GABRG3: variants seen among roughly 807,000 people sequenced by gnomAD.
GABRG3 encodes gamma-aminobutyric acid type A receptor subunit gamma3.
Under a neutral mutation model 48.8 loss-of-function variants are expected in GABRG3, and 25 were observed. The ratio of observed to expected loss-of-function variants is 0.51; its 90% confidence interval spans 0.37 to 0.72. The LOEUF (loss-of-function observed/expected upper bound fraction) is 0.72. GABRG3 is among the 30% of genes least tolerant of loss of function. The pLI is 0.00. For missense variants in GABRG3, 394 were observed against 577.9 expected (o/e 0.68, Z 3.26); for synonymous variants, 227 against 217.6 (o/e 1.04, Z -0.38).
intron 2 of GABRG3, among the ~76,000 whole-genome samples, chr15:26,985,323 G>C (rs1406972465): frequency 6.6e-6 from 1 of 152,224 alleles, no homozygotes; most frequent in Non-Finnish European, 1.5e-5. Context: ...TTGCTGGGCA[G>C]CGCGAGAGGA....
intron 3 of GABRG3, among the ~76,000 whole-genome samples, chr15:27,064,788 C>T (rs541757107): frequency 6.6e-6 from 1 of 152,282 alleles, no homozygotes; most frequent in East Asian, 1.9e-4. Flanking sequence ...CTCTGCACAC[C>T]ATCCCGTGTG....
chr15:27,290,692 A>G (rs1422016616), intron 3 of GABRG3, among the ~76,000 whole-genome samples: 1 of 152,182 alleles, frequency 6.6e-6, no homozygotes, highest in East Asian at 1.9e-4. Context: ...AAAATCTAAG[A>G]AACTGTCACA....
chr15:27,293,238 A>G (rs762191045), intron 3 of GABRG3, among the ~76,000 whole-genome samples: 1 of 152,206 alleles, frequency 6.6e-6, no homozygotes, highest in Non-Finnish European at 1.5e-5. Flanking sequence ...AAGTGATATA[A>G]ATAGAATTAG....
chr15:27,025,319 A>G (rs549771118), intron 2 of GABRG3, among the ~76,000 whole-genome samples: 17 of 152,284 alleles, frequency 1.1e-4, no homozygotes, highest in African/African-American at 4.1e-4. Context: ...CTGACTTAAC[A>G]CCCTTTGGTA....
chr15:27,139,296 C>G (rs1898063287), intron 3 of GABRG3, among the ~76,000 whole-genome samples: 1 of 152,114 alleles, frequency 6.6e-6, no homozygotes, highest in African/African-American at 2.4e-5. Flanking sequence ...GGTGCAAGTC[C>G]TGGAGTCCAC....
chr15:27,233,438 G>A (rs933281678), intron 3 of GABRG3, among the ~76,000 whole-genome samples: 1 of 152,124 alleles, frequency 6.6e-6, no homozygotes, highest in African/African-American at 2.4e-5. Context: ...CACGGTTCTG[G>A]AGGCTGGAAG....
At chr15:27,065,526 G>C (rs926845177) in intron 3 of GABRG3, among the ~76,000 whole-genome samples, 1 of 152,134 alleles carries the variant, frequency 6.6e-6, no homozygotes, top group Non-Finnish European at 1.5e-5. Flanking sequence ...AGTGGGTCTC[G>C]GTTCCTTCCA....
At position 26,976,943 on chromosome 15, in the gene GABRG3, G is replaced by A. The variant is rs545660081; in HGVS notation, c.54-59G>A. On this transcript the variant is annotated intron_variant, in intron 1 of 9. Coordinates refer to ENST00000615808, the MANE Select transcript of GABRG3 (RefSeq NM_033223.5). The surrounding 1 kb of genome is among the most constrained non-coding windows in gnomAD (Gnocchi z 7.8). ...ATGGTACTTGGATAGGACAAACTTA[G>A]GCTCTTCCTAGAGCCATTGCTGCCA... 2.0e-5 allele frequency: 32 copies of A among 1,590,908 alleles called. No individual in the cohort carries two copies. In the South Asian group the frequency reaches 3.1e-4, roughly 15 times the overall value.
At chr15:27,493,566 T>A (rs1890409168) in intron 6 of GABRG3, among the ~76,000 whole-genome samples, 1 of 152,204 alleles carries the variant, frequency 6.6e-6, no homozygotes, top group Non-Finnish European at 1.5e-5. Flanking sequence ...GTGGGTTTTT[T>A]AATCAACAAA....
intron 3 of GABRG3, chr15:27,158,452 A>G (rs538682189): frequency 6.6e-6 from 1 of 152,178 alleles, no homozygotes; most frequent in South Asian, 2.1e-4. Context: ...TTCCATGTTT[A>G]TTTCAAAGTG....
chr15:27,160,641 T>C (rs1017081066), intron 3 of GABRG3, among the ~76,000 whole-genome samples: 2 of 152,092 alleles, frequency 1.3e-5, no homozygotes, highest in Non-Finnish European at 1.5e-5. Context: ...CATCCTCCTG[T>C]TATTTCAATG....
At chr15:27,494,308 T>A (rs58640446) in intron 6 of GABRG3, among the ~76,000 whole-genome samples, 5,011 of 152,200 alleles carry the variant, frequency 0.033, 285 homozygotes, top group African/African-American at 0.11. Flanking sequence ...TTTGTTTATA[T>A]CTTGTTGAGA....
chr15:27,407,296 C>G (rs374155094), intron 5 of GABRG3, among the ~76,000 whole-genome samples: 1 of 152,144 alleles, frequency 6.6e-6, no homozygotes, highest in African/African-American at 2.4e-5. Context: ...GGGCAAAATC[C>G]GGAACACTGA....
At chr15:27,146,731 T>C (rs1898216541) in intron 3 of GABRG3, among the ~76,000 whole-genome samples, 1 of 152,044 alleles carries the variant, frequency 6.6e-6, no homozygotes, top group Admixed American at 6.6e-5. Context: ...GCTAGCTTAT[T>C]GTAAATTAAG....
At chr15:27,159,575 C>A (rs908494536) in intron 3 of GABRG3, among the ~76,000 whole-genome samples, 12 of 151,950 alleles carry the variant, frequency 7.9e-5, no homozygotes, top group Admixed American at 7.9e-4. Flanking sequence ...CCATCATGTT[C>A]CTAGTAATAT....
Position 27,526,108 on chromosome 15 carries a change from G to T in GABRG3, c.866-1325G>T, listed in dbSNP as rs552038705. On this transcript the variant is annotated intron_variant, in intron 7 of 9. Coordinates refer to ENST00000615808, the MANE Select transcript of GABRG3 (RefSeq NM_033223.5). ...ATTCTATTTTCACTGCACAAGTTAAGGAAACTGATTCAAAGATGGTAAGTG... is the reference window on the plus strand; with the variant it reads ...ATTCTATTTTCACTGCACAAGTTAATGAAACTGATTCAAAGATGGTAAGTG... Among the ~76,000 whole-genome samples the T allele has an allele frequency of 7.2e-5, 11 of 152,260 alleles. No individual in the cohort carries two copies. In the South Asian group the frequency reaches 2.3e-3, roughly 32 times the overall value.
At chr15:27,407,773 G>C (rs1445802889) in intron 5 of GABRG3, among the ~76,000 whole-genome samples, 3 of 152,214 alleles carry the variant, frequency 2.0e-5, no homozygotes, top group Non-Finnish European at 4.4e-5. Context: ...TATGGAGACT[G>C]TATAGAGAAC....
At chr15:27,203,886 T>C (rs1489659995) in intron 3 of GABRG3, among the ~76,000 whole-genome samples, 1 of 152,048 alleles carries the variant, frequency 6.6e-6, no homozygotes, top group Non-Finnish European at 1.5e-5. Context: ...TTAATGGAGT[T>C]GTTTGTTTTT....
At chr15:27,257,814 ATT>A (rs60790753) in intron 3 of GABRG3, among the ~76,000 whole-genome samples, 1,795 of 142,840 alleles carry the variant, frequency 0.013, 40 homozygotes, top group East Asian at 0.066. Flanking sequence ...ACACGTGGCT[ATT>A]TTTTTTTTTT....
Sources: gnomAD v4.1 joint callset for allele counts (sites outside exome capture counted in the v4.1 genomes callset) on GRCh38, gnomAD v4.1.1 for gene constraint, Gnocchi (gnomAD v3.1) non-coding constraint, MANE v1.5 for transcripts, NCBI Gene and HGNC (gene_info 2026-07-23, HGNC 2026-07-21) for gene names.